The following TBCD variants were observed in gnomAD, a reference collection of about 807,000 sequenced individuals.
TBCD encodes the protein tubulin folding cofactor D, also known as tubulin-specific chaperone D.
In TBCD, 105 loss-of-function variants were observed where a neutral mutation model predicts 169.3. That is an observed-to-expected ratio of 0.62 (90% CI 0.53 to 0.73). The LOEUF (loss-of-function observed/expected upper bound fraction) is 0.73. Ranked by LOEUF, TBCD falls within the 30% of genes least tolerant of loss-of-function variation. The pLI, the probability that TBCD is intolerant of heterozygous loss-of-function variation, is 0.00. For synonymous variants in TBCD, 700 were observed against 643.9 expected (o/e 1.09, Z -1.32); for missense variants, 1,444 against 1,600.1 (o/e 0.90, Z 1.66).
chr17:82,866,612 C>T (rs549941485), intron 13 of TBCD, among the ~76,000 whole-genome samples: 7 of 152,372 alleles, frequency 4.6e-5, no homozygotes, highest in African/African-American at 1.7e-4. Context: ...AGAAAGGCCC[C>T]AGGACTTTGC....
chr17:82,905,094 T>C (rs1373217690), intron 19 of TBCD, among the ~76,000 whole-genome samples: 1 of 152,188 alleles, frequency 6.6e-6, no homozygotes, highest in Non-Finnish European at 1.5e-5. Context: ...TCTGCGTCCG[T>C]GAGGGTTCTG....
intron 4 of TBCD, among the ~76,000 whole-genome samples, chr17:82,768,033 C>A (rs1320903283): frequency 1.3e-5 from 2 of 151,828 alleles, no homozygotes; most frequent in Non-Finnish European, 2.9e-5. Flanking sequence ...CAGGTGTGAA[C>A]CACCACACCT....
intron 10 of TBCD, 77 bp from the exon 11 acceptor site, chr17:82,807,531 A>G: frequency 8.5e-7 from 1 of 1,171,566 alleles, no homozygotes. Context: ...AGTAGCGTAC[A>G]GGATGGGTCA....
chr17:82,788,288 C>A (rs1446890907), intron 7 of TBCD, among the ~76,000 whole-genome samples: 3 of 152,122 alleles, frequency 2.0e-5, no homozygotes, highest in Non-Finnish European at 4.4e-5. Flanking sequence ...TGTGACTCTG[C>A]TTGCTGATTG....
intron 23 of TBCD, among the ~76,000 whole-genome samples, chr17:82,919,953 G>A (rs945171584): frequency 7.2e-5 from 11 of 152,206 alleles, no homozygotes; most frequent in Non-Finnish European, 4.4e-5. Context: ...TGCAGCAGGC[G>A]TCTGCGAGTG....
intron 16 of TBCD, 23 bp from the exon 17 acceptor site, chr17:82,893,524 C>G (rs750805930): frequency 6.4e-7 from 1 of 1,552,530 alleles, no homozygotes; most frequent in Non-Finnish European, 8.8e-7. Context: ...CTTCTTTTTC[C>G]CCCATTTCCA....
chr17:82,781,133 G>A, intron 6 of TBCD, among the ~76,000 whole-genome samples: 1 of 152,084 alleles, frequency 6.6e-6, no homozygotes, highest in Non-Finnish European at 1.5e-5. Context: ...CATGGCAGGT[G>A]TGGGGGAGGG....
At chr17:82,807,239 C>T (rs892955924) in intron 10 of TBCD, among the ~76,000 whole-genome samples, 3 of 152,344 alleles carry the variant, frequency 2.0e-5, no homozygotes, top group East Asian at 1.9e-4. Flanking sequence ...TTCGTGCAGC[C>T]GCTGGCTGGG....
In TBCD at chr17:82,923,388, C is replaced by G. The variant is rs924960086; in HGVS notation, c.2179-264C>G. Among the ~76,000 whole-genome samples, 1 of 152,136 alleles carries G rather than the reference C, an allele frequency of 6.6e-6. No homozygotes were observed. The highest frequency in any genetic ancestry group is 1.5e-5 in the Non-Finnish European group (1 of 68,014). On this transcript the variant is annotated intron_variant, in intron 25 of 38. Transcript: ENST00000355528. This position sits in a 1 kb window ranked among gnomAD's most constrained non-coding sequence, Gnocchi z 4.6. ...TTTGGTTCGAAAGTCATTGCTGTGC[C>G]GAGATCTCAGGGTGACCCGCTGTGT...
In TBCD at chr17:82,784,192, T is replaced by C. The variant is rs183121352; in HGVS notation, c.771+2471T>C. Reference sequence around the variant, plus strand: ...ACCCTTGGGTACACAACACTAGTTTTTAATAAAATTTTAAACAAAATTTGG... The same window carrying C: ...ACCCTTGGGTACACAACACTAGTTTCTAATAAAATTTTAAACAAAATTTGG... On this transcript the variant is annotated intron_variant, in intron 7 of 38. Transcript: ENST00000355528. Among the ~76,000 whole-genome samples the C allele has an allele frequency of 3.9e-3, 597 of 152,280 alleles. 4 individuals are homozygous for C. Among genetic ancestry groups the C allele is most frequent in the Non-Finnish European group, 6.7e-3 (456 of 68,012 alleles).
intron 26 of TBCD, 66 bp from the exon 27 acceptor site, chr17:82,924,873 C>T (rs1039384196): frequency 4.5e-5 from 60 of 1,326,800 alleles, no homozygotes; most frequent in African/African-American, 5.8e-5. Flanking sequence ...TTGGGGCACA[C>T]GTCGGGTGTG....
chr17:82,789,388 A>G lies in TBCD; in HGVS notation c.771+7667A>G, dbSNP rs918464919. Among the ~76,000 whole-genome samples, 1 of 152,312 alleles carries G rather than the reference A, an allele frequency of 6.6e-6. No homozygotes were observed. Among genetic ancestry groups the G allele is most frequent in the East Asian group, 1.9e-4 (1 of 5,182 alleles). On this transcript the variant is annotated intron_variant, in intron 7 of 38. Transcript: ENST00000355528. The surrounding 1 kb of genome is among the most constrained non-coding windows in gnomAD (Gnocchi z 4.8). ...GCGACCTGCTCACAGACGTGTGCTC[A>G]CAGGCAGCCCGTCGCGGGGTCATGT...
chr17:82,925,761 G>C (rs1307094654), intron 27 of TBCD, among the ~76,000 whole-genome samples: 1 of 152,206 alleles, frequency 6.6e-6, no homozygotes, highest in African/African-American at 2.4e-5. Context: ...ATGTGAAACA[G>C]GATCACTTGG....
intron 1 of TBCD, 33 bp downstream of exon 1, chr17:82,752,410 C>T (rs1375319443): frequency 2.5e-6 from 3 of 1,204,132 alleles, no homozygotes; most frequent in Non-Finnish European, 3.1e-6. Context: ...CCGCTTCCTC[C>T]CCCGGCCCGG....
rs1400031197 is a variant in TBCD, at chr17:82,865,731, T to A, written c.1319-4493T>A. ...TCAGAAGGCGTAACTATATGATGAT[T>A]TTTTGTGGAGGGATTATTTCTACCT... On this transcript the variant is annotated intron_variant, in intron 13 of 38. Coordinates refer to ENST00000355528, the MANE Select transcript of TBCD (RefSeq NM_005993.5). Among the ~76,000 whole-genome samples, 35 of 152,220 alleles carry A rather than the reference T, an allele frequency of 2.3e-4. 1 individual carries two copies. The highest frequency in any genetic ancestry group is 2.3e-3 in the Admixed American group (35 of 15,288).
intron 7 of TBCD, among the ~76,000 whole-genome samples, chr17:82,785,784 GCCCA>G (rs1568129965): frequency 4.8e-5 from 6 of 124,196 alleles, no homozygotes; most frequent in African/African-American, 7.0e-5. Context: ...ACTGGATCCC[GCCCA>G]TCGCAGCGGG....
intron 13 of TBCD, among the ~76,000 whole-genome samples, chr17:82,859,140 C>A (rs2056556103): frequency 6.6e-6 from 1 of 151,634 alleles, no homozygotes; most frequent in Admixed American, 6.6e-5. Flanking sequence ...CCTCCCTACA[C>A]TGACACACTG....
intron 6 of TBCD, 41 bp from the exon 7 acceptor site, chr17:82,781,548 C>T (rs762455442): frequency 3.1e-6 from 5 of 1,610,238 alleles, no homozygotes; most frequent in Non-Finnish European, 4.2e-6. Context: ...TGGGCGAGGT[C>T]TCAGTGCTGA....
At chr17:82,926,016 T>C (rs78162208) in intron 27 of TBCD, among the ~76,000 whole-genome samples, 333 of 2,988 alleles carry the variant, frequency 0.11, 71 homozygotes, top group Non-Finnish European at 0.14. Flanking sequence ...TGGGTTGTAC[T>C]GGGGGCCGTG....
Sources: gnomAD v4.1 joint callset for allele counts (sites outside exome capture counted in the v4.1 genomes callset) on GRCh38, gnomAD v4.1.1 for gene constraint, Gnocchi (gnomAD v3.1) non-coding constraint, MANE v1.5 for transcripts, NCBI Gene and HGNC (gene_info 2026-07-23, HGNC 2026-07-21) for gene names.